ZNF101: variants seen among roughly 807,000 people sequenced by gnomAD.
ZNF101 encodes zinc finger protein 101 (Y2).
ZNF101 carries 34 observed loss-of-function variants against 42.6 expected under a neutral mutation model. The observed-to-expected ratio is 0.80, with a 90% CI of 0.61 to 1.06. The LOEUF (loss-of-function observed/expected upper bound fraction) is 1.06, where lower values mean the gene tolerates loss of function less well. Among genes scored for constraint, ZNF101 ranks in the 50% least tolerant of loss-of-function variants. The pLI, the probability that ZNF101 is intolerant of heterozygous loss-of-function variation, is 0.00. For synonymous variants in ZNF101, 158 were observed against 183.9 expected, an observed-to-expected ratio of 0.86 and a Z score of 1.14; for missense variants, 466 against 530.9, an observed-to-expected ratio of 0.88 and a Z score of 1.20.
At chr19:19,673,956 AC>A (rs1408037154) in intron 1 of ZNF101, among the ~76,000 whole-genome samples, 2 of 148,934 alleles carry the variant, frequency 1.3e-5, no homozygotes, top group African/African-American at 5.0e-5. Context: ...ACCGCGCCCG[AC>A]TAATTTTTGT....
At position 19,677,883 on chromosome 19, in the gene ZNF101, A is replaced by G. The variant is rs949046289; in HGVS notation, c.23A>G (p.Asp8Gly). The G allele has an allele frequency of 2.5e-6, 4 of 1,611,898 alleles. No homozygotes were observed. Among genetic ancestry groups the G allele is most frequent in the Non-Finnish European group, 3.4e-6 (4 of 1,178,698 alleles). Residue 8 changes from aspartate to glycine, a missense_variant, in exon 2 of 4, where the codon GAT becomes GGT. Asp to Gly is a moderately conservative substitution (Grantham distance 94). Coordinates refer to ENST00000592502, the MANE Select transcript of ZNF101 (RefSeq NM_033204.4). MDSVAFEDVAVNFTQEEW... is the reference protein window; with the variant it reads MDSVAFEGVAVNFTQEEW... ...TTTCAGGACTCAGTGGCCTTTGAGG[A>G]TGTGGCTGTGAACTTCACCCAGGAG... is the stretch of plus-strand genomic sequence containing the variant.
chr19:19,678,059 C>T, intron 2 of ZNF101, 69 bp downstream of exon 2: 2 of 1,575,446 alleles, frequency 1.3e-6, no homozygotes, highest in Non-Finnish European at 1.7e-6. Context: ...TGTGGTTGCA[C>T]AGTTTGGAAT....
intron 2 of ZNF101, among the ~76,000 whole-genome samples, chr19:19,678,508 G>A (rs1167634101): frequency 6.6e-6 from 1 of 151,810 alleles, no homozygotes; most frequent in South Asian, 2.1e-4. Flanking sequence ...CCAGCTACTC[G>A]GGAGGCTGAG....
At chr19:19,677,658 C>T (rs2062210146) in intron 1 of ZNF101, 2 of 699,742 alleles carry the variant, frequency 2.9e-6, no homozygotes, top group Middle Eastern at 4.7e-4. Flanking sequence ...GGGTGGTCCT[C>T]CTCTGTGGCT....
intron 3 of ZNF101, 81 bp downstream of exon 3, chr19:19,678,867 C>A: frequency 8.2e-7 from 1 of 1,222,688 alleles, no homozygotes; most frequent in Admixed American, 2.4e-5. Flanking sequence ...AAATACAAGA[C>A]AAATAAGTAC....
At chr19:19,678,058 A>G (rs2062213658) in intron 2 of ZNF101, 68 bp downstream of exon 2, 2 of 1,575,988 alleles carry the variant, frequency 1.3e-6, no homozygotes, top group East Asian at 4.7e-5. Flanking sequence ...GTGTGGTTGC[A>G]CAGTTTGGAA....
chr19:19,672,943 A>G (rs1366943390), intron 1 of ZNF101, among the ~76,000 whole-genome samples: 1 of 152,058 alleles, frequency 6.6e-6, no homozygotes, highest in Non-Finnish European at 1.5e-5. Context: ...CAAATAATGT[A>G]AAGTCTTTTT....
At chr19:19,670,900 T>C (rs2062164246) in intron 1 of ZNF101, among the ~76,000 whole-genome samples, 1 of 151,944 alleles carries the variant, frequency 6.6e-6, no homozygotes, top group African/African-American at 2.4e-5. Context: ...GGTCAGGAGA[T>C]CGAGACCATC....
intron 1 of ZNF101, among the ~76,000 whole-genome samples, chr19:19,673,785 AATTATTATT>A (rs35473462): frequency 1.4e-5 from 2 of 142,360 alleles, no homozygotes; most frequent in Non-Finnish European, 3.0e-5. Flanking sequence ...AGGCTTTTTA[AATTATTATT>A]ATTATTATTA....
chr19:19,679,998 C>T lies in ZNF101; in HGVS notation c.1009C>T (p.Pro337Ser). Residue 337 changes from proline to serine, a missense_variant, in exon 4 of 4, where the codon CCT becomes TCT. By Grantham distance (74) the Pro-to-Ser change is moderately conservative (BLOSUM62 -1). Coordinates refer to ENST00000592502, the MANE Select transcript of ZNF101 (RefSeq NM_033204.4). Reference protein sequence around the residue: ...AHERAHTGERPYECNKCGKTF... With the variant: ...AHERAHTGERSYECNKCGKTF... Reference sequence around the variant, plus strand: ...TGAAAGAGCTCACACTGGAGAAAGACCTTATGAATGTAATAAATGTGGTAA... The same window carrying T: ...TGAAAGAGCTCACACTGGAGAAAGATCTTATGAATGTAATAAATGTGGTAA... The T allele has an allele frequency of 6.2e-7, 1 of 1,614,050 alleles. No homozygotes were observed. The highest frequency in any genetic ancestry group is 1.1e-5 in the South Asian group (1 of 91,068).
Position 19,679,271 on chromosome 19 carries a change from A to G in ZNF101, c.282A>G (p.Lys94=). The G allele has an allele frequency of 1.2e-6, 2 of 1,614,200 alleles. No individual in the cohort carries two copies. Among genetic ancestry groups the G allele is most frequent in the Non-Finnish European group, 8.5e-7 (1 of 1,180,040 alleles). The change falls in exon 4 of 4, where the codon AAA becomes AAG. Residue 94 remains lysine (K), a synonymous_variant. Coordinates refer to ENST00000592502, the MANE Select transcript of ZNF101 (RefSeq NM_033204.4). ...SQIPDCHLNK[K]SQTGVKPCKC... is the part of the protein sequence containing the mutation. Reference sequence around the variant, plus strand: ...TTCCTGATTGTCACCTGAACAAGAAAAGTCAAACTGGAGTGAAACCATGCA... The same window carrying G: ...TTCCTGATTGTCACCTGAACAAGAAGAGTCAAACTGGAGTGAAACCATGCA...
Position 19,680,501 on chromosome 19 carries a change from C to A in ZNF101, c.*201C>A, listed in dbSNP as rs2062233961. 3.1e-6 allele frequency: 1 copy of A among 321,510 alleles called. No individual in the cohort carries two copies. Among genetic ancestry groups the A allele is most frequent in the Non-Finnish European group, 5.7e-6 (1 of 176,604 alleles). The allele number at this position is 321,510 out of a possible 1,614,324, so 19.9% of individuals were successfully genotyped here. A position where few individuals can be genotyped will look rare whatever the true frequency, so the allele number is the denominator to read the frequency against. ...GGGCATGGTGGTGGGCACCTGTAATCTCAGCTACTCGGGAGGCCGAGGCAG... is the reference window on the plus strand; with the variant it reads ...GGGCATGGTGGTGGGCACCTGTAATATCAGCTACTCGGGAGGCCGAGGCAG... On this transcript the variant is annotated 3_prime_UTR_variant, in exon 4 of 4. Coordinates refer to ENST00000592502, the MANE Select transcript of ZNF101 (RefSeq NM_033204.4).
intron 1 of ZNF101, among the ~76,000 whole-genome samples, chr19:19,671,501 A>ATTTT (rs534692202): frequency 1.4e-5 from 2 of 140,742 alleles, no homozygotes; most frequent in Admixed American, 7.1e-5. Flanking sequence ...AGGTGTTAGG[A>ATTTT]TTTTTTTTTT....
At chr19:19,670,076 A>G (rs2062159165) in intron 1 of ZNF101, among the ~76,000 whole-genome samples, 1 of 152,048 alleles carries the variant, frequency 6.6e-6, no homozygotes, top group South Asian at 2.1e-4. Context: ...CCGTCCAGGG[A>G]CTTCTTCCAG....
At chr19:19,669,472 A>G (rs549135325) in intron 1 of ZNF101, among the ~76,000 whole-genome samples, 45 of 152,030 alleles carry the variant, frequency 3.0e-4, no homozygotes, top group African/African-American at 1.0e-3. Flanking sequence ...CAGTACATCC[A>G]CTTCACATTA....
In ZNF101 at chr19:19,680,007, T is replaced by C. The variant is rs1330161802; in HGVS notation, c.1018T>C (p.Cys340Arg). 1 of 1,613,966 alleles carries C rather than the reference T, an allele frequency of 6.2e-7. No individual in the cohort carries two copies. Among genetic ancestry groups the C allele is most frequent in the East Asian group, 2.2e-5 (1 of 44,902 alleles). Residue 340 changes from cysteine (C) to arginine (R), a missense_variant, in exon 4 of 4, where the codon TGT becomes CGT. Transcript: ENST00000592502. ...RAHTGERPYE[C>R]NKCGKTFNYP... ...TCACACTGGAGAAAGACCTTATGAA[T>C]GTAATAAATGTGGTAAAACCTTCAA...
At chr19:19,670,687 G>A (rs1259033858) in intron 1 of ZNF101, among the ~76,000 whole-genome samples, 1 of 152,096 alleles carries the variant, frequency 6.6e-6, no homozygotes, top group Non-Finnish European at 1.5e-5. Flanking sequence ...AACCCGGGGA[G>A]GTTGAGACTG....
intron 1 of ZNF101, 95 bp from the exon 2 acceptor site, chr19:19,677,769 G>T: frequency 6.6e-7 from 1 of 1,519,406 alleles, no homozygotes; most frequent in South Asian, 1.2e-5. Flanking sequence ...GTGAGTGTTT[G>T]GAGAGCCCGG....
intron 1 of ZNF101, 113 bp downstream of exon 1, chr19:19,669,079 C>T: frequency 7.1e-7 from 1 of 1,409,120 alleles, no homozygotes; most frequent in Non-Finnish European, 9.5e-7. Flanking sequence ...CCCGAGTCCC[C>T]CAGGCGCAGC....
Sources: gnomAD v4.1 joint callset for allele counts (sites outside exome capture counted in the v4.1 genomes callset) on GRCh38, gnomAD v4.1.1 for gene constraint, MANE v1.5 for transcripts, NCBI Gene and HGNC (gene_info 2026-07-23, HGNC 2026-07-21) for gene names.